Variants in DAB1 observed in about 807,000 individuals in gnomAD.
The protein encoded by DAB1 is DAB adaptor protein 1.
Under a neutral mutation model 64.6 loss-of-function variants are expected in DAB1, and 15 were observed. The observed-to-expected ratio is 0.23, with a 90% CI of 0.16 to 0.36. The LOEUF (loss-of-function observed/expected upper bound fraction) is 0.36, where lower values mean the gene tolerates loss of function less well. DAB1 is among the 10% of genes least tolerant of loss of function. The pLI, the probability that DAB1 is intolerant of heterozygous loss-of-function variation, is 1.00. For missense variants in DAB1, 596 were observed against 706.7 expected, an observed-to-expected ratio of 0.84 and a Z score of 1.78; for synonymous variants, 235 against 251.9, an observed-to-expected ratio of 0.93 and a Z score of 0.64.
At chr1:57,154,957 C>A (rs1410256040) in intron 2 of DAB1, among the ~76,000 whole-genome samples, 1 of 152,048 alleles carries the variant, frequency 6.6e-6, no homozygotes, top group African/African-American at 2.4e-5. Flanking sequence ...TGGTAGTTTG[C>A]AAATATTTTA....
At chr1:58,429,036 A>C (rs906898425) in intron 3 of DAB1, among the ~76,000 whole-genome samples, 1 of 152,226 alleles carries the variant, frequency 6.6e-6, no homozygotes, top group South Asian at 2.1e-4. Context: ...TATAAGACCC[A>C]TAAAATTATA....
chr1:57,881,865 G>A (rs1644149707), intron 1 of DAB1, among the ~76,000 whole-genome samples: 1 of 152,106 alleles, frequency 6.6e-6, no homozygotes, highest in African/African-American at 2.4e-5. Context: ...CATTTAATTT[G>A]TTCTATAAAA....
chr1:58,077,089 G>T (rs1649699412), intron 5 of DAB1, among the ~76,000 whole-genome samples: 1 of 151,910 alleles, frequency 6.6e-6, no homozygotes, highest in Non-Finnish European at 1.5e-5. Context: ...GGCAGGCAGG[G>T]GCTGACTTTA....
rs368335569 is a variant in DAB1 at position 57,337,538 on chromosome 1, T to C, written c.-136-46372A>G. 3.7e-4 allele frequency among the ~76,000 whole-genome samples: 56 copies of C among 152,358 alleles called. No homozygotes were observed. The East Asian group carries it at 7.7e-3, about 21-fold the overall frequency. ...ATTTAAAATTACAAACCCCACTCTCTGTACTCTCAGTGTCTCTCCTATGTT... is the reference window on the plus strand; with the variant it reads ...ATTTAAAATTACAAACCCCACTCTCCGTACTCTCAGTGTCTCTCCTATGTT... On this transcript the variant is annotated intron_variant, in intron 1 of 14. Transcript: ENST00000371236.
intron 5 of DAB1, among the ~76,000 whole-genome samples, chr1:57,940,575 G>A (rs1413993464): frequency 1.3e-5 from 2 of 152,210 alleles, no homozygotes. Context: ...TGAAGATCTT[G>A]TTAACAGGCA....
chr1:57,374,431 T>A (rs1680738275), intron 1 of DAB1, among the ~76,000 whole-genome samples: 1 of 152,230 alleles, frequency 6.6e-6, no homozygotes. Flanking sequence ...GAAAGCAAGC[T>A]TTTTATGGAA....
intron 1 of DAB1, among the ~76,000 whole-genome samples, chr1:57,368,872 T>C (rs1680272341): frequency 6.6e-6 from 1 of 152,114 alleles, no homozygotes; most frequent in African/African-American, 2.4e-5. Context: ...CCACTGAATA[T>C]GGGTAAACTT....
At chr1:58,534,787 T>C (rs1646491301) in intron 1 of DAB1, among the ~76,000 whole-genome samples, 1 of 152,044 alleles carries the variant, frequency 6.6e-6, no homozygotes. Flanking sequence ...ACACAAAAAA[T>C]TAGCCAGGCG....
chr1:58,147,371 C>A (rs2100726213), intron 5 of DAB1, among the ~76,000 whole-genome samples: 1 of 145,928 alleles, frequency 6.9e-6, no homozygotes, highest in East Asian at 2.1e-4. Context: ...GTAATCCCAG[C>A]ACTTCGGGAG....
intron 3 of DAB1, among the ~76,000 whole-genome samples, chr1:58,387,496 C>T (rs1225300342): frequency 2.0e-5 from 3 of 152,014 alleles, no homozygotes; most frequent in Admixed American, 6.6e-5. Context: ...CTGAGCTCTT[C>T]GGGAGGTGGT....
At chr1:57,225,289 G>T (rs1372894744) in intron 2 of DAB1, among the ~76,000 whole-genome samples, 1 of 152,180 alleles carries the variant, frequency 6.6e-6, no homozygotes, top group East Asian at 1.9e-4. Flanking sequence ...GGTCTGGAGT[G>T]GGGACAGTCT....
intron 5 of DAB1, among the ~76,000 whole-genome samples, chr1:58,047,443 C>T (rs139735740): frequency 1.6e-4 from 25 of 152,250 alleles, no homozygotes; most frequent in African/African-American, 5.3e-4. Context: ...TGCTGCTGCC[C>T]TCTGGTGGAT....
chr1:57,171,513 G>A (rs981018125), intron 2 of DAB1, among the ~76,000 whole-genome samples: 2 of 144,686 alleles, frequency 1.4e-5, no homozygotes, highest in Non-Finnish European at 3.1e-5. Flanking sequence ...AAATAATGTT[G>A]TTTCAAAATG....
At chr1:57,837,870 C>G (rs1404808921) in intron 1 of DAB1, among the ~76,000 whole-genome samples, 1 of 148,650 alleles carries the variant, frequency 6.7e-6, no homozygotes, top group Non-Finnish European at 1.5e-5. Context: ...CATTTCCGCT[C>G]CCAACTCCAT....
chr1:56,998,912 G>A (rs566181224), intron 14 of DAB1, among the ~76,000 whole-genome samples: 2 of 152,246 alleles, frequency 1.3e-5, no homozygotes, highest in South Asian at 4.2e-4. Flanking sequence ...TCAGACTTCA[G>A]CTGATGTTGA....
intron 1 of DAB1, among the ~76,000 whole-genome samples, chr1:57,331,945 C>T (rs1676707055): frequency 6.6e-6 from 1 of 152,150 alleles, no homozygotes; most frequent in Non-Finnish European, 1.5e-5. Context: ...TGCTCTTACT[C>T]TAAGAGTTTT....
intron 2 of DAB1, among the ~76,000 whole-genome samples, chr1:57,221,891 T>C (rs1445808012): frequency 1.1e-5 from 1 of 88,780 alleles, no homozygotes; most frequent in Non-Finnish European, 2.4e-5. Context: ...TAAATGTCAT[T>C]TTTTTTTTTT....
chr1:57,301,772 C>T (rs1054575527), intron 1 of DAB1, among the ~76,000 whole-genome samples: 19 of 152,192 alleles, frequency 1.2e-4, no homozygotes, highest in Non-Finnish European at 2.4e-4. Flanking sequence ...AGCTGCTCCA[C>T]TTCACGAGTG....
At chr1:57,047,728 C>G (rs1648695630) in intron 9 of DAB1, among the ~76,000 whole-genome samples, 1 of 152,160 alleles carries the variant, frequency 6.6e-6, no homozygotes, top group Non-Finnish European at 1.5e-5. Flanking sequence ...AGACATGGCC[C>G]CATAGCTATG....
Sources: allele counts gnomAD v4.1 joint callset (sites outside exome capture counted in the v4.1 genomes callset), GRCh38; gene constraint gnomAD v4.1.1; transcripts MANE v1.5; gene names NCBI Gene and HGNC (gene_info 2026-07-23, HGNC 2026-07-21).